The following CFAP58 variants were observed in gnomAD, a reference collection of about 807,000 sequenced individuals.
The protein encoded by CFAP58 is cilia and flagella associated protein 58, also known as cilia- and flagella-associated protein 58.
A neutral mutation model predicts 119.5 loss-of-function variants in CFAP58; 88 were observed. The ratio of observed to expected loss-of-function variants is 0.74; its 90% CI spans 0.62 to 0.88. The LOEUF (loss-of-function observed/expected upper bound fraction) is 0.88. Among genes scored for constraint, CFAP58 ranks in the 40% least tolerant of loss-of-function variants. CFAP58 has a pLI of 0.00. For synonymous variants in CFAP58, 365 were observed against 366.3 expected, an observed-to-expected ratio of 1.00 and a Z score of 0.04; for missense variants, 990 against 1,021.2, an observed-to-expected ratio of 0.97 and a Z score of 0.42.
intron 15 of CFAP58, among the ~76,000 whole-genome samples, chr10:104,429,326 A>C (rs2012804383): frequency 6.6e-6 from 1 of 152,166 alleles, no homozygotes; most frequent in African/African-American, 2.4e-5. Context: ...GCGAGGGCAG[A>C]GAGCAAAGGA....
At chr10:104,380,472 G>A (rs2011769303) in intron 9 of CFAP58, among the ~76,000 whole-genome samples, 1 of 152,038 alleles carries the variant, frequency 6.6e-6, no homozygotes, top group African/African-American at 2.4e-5. Flanking sequence ...CAACTTCTGG[G>A]TTCTCCCTCT....
At chr10:104,436,222 G>T (rs2012931592) in intron 15 of CFAP58, among the ~76,000 whole-genome samples, 1 of 152,058 alleles carries the variant, frequency 6.6e-6, no homozygotes, top group Non-Finnish European at 1.5e-5. Flanking sequence ...GAAATGTTCT[G>T]TTTTATATAT....
the CFAP58 span, among the ~76,000 whole-genome samples, chr10:104,338,568 G>T: frequency 6.8e-6 from 1 of 147,846 alleles, no homozygotes; most frequent in African/African-American, 2.5e-5. Flanking sequence ...TCGGTGGTTG[G>T]GCCCAGGATC....
intron 7 of CFAP58, among the ~76,000 whole-genome samples, chr10:104,375,022 A>G (rs2014873413): frequency 6.6e-6 from 1 of 151,778 alleles, no homozygotes. Context: ...AAAGCAAGCT[A>G]CAAAATAGTA....
chr10:104,380,271 C>T (rs773265749), intron 9 of CFAP58, 51 bp downstream of exon 9: 39 of 1,465,066 alleles, frequency 2.7e-5, no homozygotes, highest in Admixed American at 9.5e-5. Context: ...TTCCTTCCTC[C>T]GCATTTCTGA....
chr10:104,439,456 A>G (rs183393147), intron 15 of CFAP58, among the ~76,000 whole-genome samples: 2 of 152,362 alleles, frequency 1.3e-5, no homozygotes, highest in Admixed American at 1.3e-4. Context: ...GCACATTATT[A>G]CAATTAAAAT....
intron 5 of CFAP58, among the ~76,000 whole-genome samples, chr10:104,367,593 C>T (rs911652935): frequency 2.6e-5 from 4 of 152,156 alleles, no homozygotes; most frequent in African/African-American, 9.7e-5. Flanking sequence ...TCCTATGAAA[C>T]ACAATTTCAT....
chr10:104,378,841 T>A (rs2011722218), intron 8 of CFAP58, among the ~76,000 whole-genome samples: 1 of 151,884 alleles, frequency 6.6e-6, no homozygotes, highest in Non-Finnish European at 1.5e-5. Flanking sequence ...CTACTTACTC[T>A]GTGTTTCAGG....
At chr10:104,412,390 C>T (rs1310894134) in intron 15 of CFAP58, among the ~76,000 whole-genome samples, 3 of 152,002 alleles carry the variant, frequency 2.0e-5, no homozygotes, top group African/African-American at 7.3e-5. Context: ...AATGTCCTGT[C>T]TCAATCCCTT....
At chr10:104,376,429 T>TG (rs765178144) in intron 7 of CFAP58, among the ~76,000 whole-genome samples, 1 of 137,566 alleles carries the variant, frequency 7.3e-6, no homozygotes, top group East Asian at 2.1e-4. Context: ...CCCTTGAACC[T>TG]GGGAGGCGGA....
intron 15 of CFAP58, among the ~76,000 whole-genome samples, 193 bp from the exon 16 acceptor site, chr10:104,447,505 G>A (rs1427409208): frequency 6.6e-6 from 1 of 152,126 alleles, no homozygotes; most frequent in Non-Finnish European, 1.5e-5. Flanking sequence ...GTATCCAAAT[G>A]TTGGGGACAT....
the CFAP58 span, among the ~76,000 whole-genome samples, chr10:104,347,142 C>A: frequency 6.6e-6 from 1 of 152,010 alleles, no homozygotes; most frequent in Non-Finnish European, 1.5e-5. Flanking sequence ...GCAGGTAAGA[C>A]GACTGGGTAG....
intron 15 of CFAP58, 21 bp from the exon 16 acceptor site, chr10:104,447,677 C>T (rs1564907692): frequency 1.2e-6 from 2 of 1,612,556 alleles, no homozygotes; most frequent in Non-Finnish European, 8.5e-7. Flanking sequence ...TATCTCTGCT[C>T]CTGGTTCTGC....
chr10:104,357,950 TATATACACATATATGTACACATATGTAC>T (rs2014599640), intron 1 of CFAP58, among the ~76,000 whole-genome samples: 2 of 123,700 alleles, frequency 1.6e-5, no homozygotes, highest in African/African-American at 9.1e-5. Flanking sequence ...TATGTACACA[TATATACACATATATGTACACATATGTAC>T]ATATGTACAC....
chr10:104,453,553 A>G (rs1406372194), intron 17 of CFAP58, among the ~76,000 whole-genome samples: 3 of 152,178 alleles, frequency 2.0e-5, no homozygotes, highest in Non-Finnish European at 4.4e-5. Flanking sequence ...AGGCTGATCT[A>G]CAGTCTGCAG....
At chr10:104,392,863 A>G (rs1414349465) in intron 10 of CFAP58, among the ~76,000 whole-genome samples, 1 of 151,620 alleles carries the variant, frequency 6.6e-6, no homozygotes, top group Non-Finnish European at 1.5e-5. Context: ...CTGGTCTCGA[A>G]CTCCTGACCT....
At chr10:104,357,828 C>CACAT (rs1301063090) in intron 1 of CFAP58, among the ~76,000 whole-genome samples, 5 of 136,218 alleles carry the variant, frequency 3.7e-5, no homozygotes, top group African/African-American at 1.1e-4. Context: ...CATATATACA[C>CACAT]ATATATGTAC....
intron 4 of CFAP58, 121 bp downstream of exon 4, chr10:104,365,010 C>T: frequency 1.1e-6 from 1 of 907,886 alleles, no homozygotes; most frequent in Non-Finnish European, 1.7e-6. Context: ...AATGAAACAT[C>T]CTCAGTTCTG....
chr10:104,354,694 G>A lies in CFAP58; in HGVS notation c.9+788G>A, dbSNP rs1407809403. ...CCCATCCCACGGTCTGTTCCAGCCA[G>A]GACCAGCTACATGATTTGCAAGGCC... On this transcript the variant is annotated intron_variant, in intron 1 of 17. Coordinates refer to ENST00000369704, the MANE Select transcript of CFAP58 (RefSeq NM_001008723.2). Among the ~76,000 whole-genome samples the A allele has an allele frequency of 2.0e-5, 3 of 152,140 alleles. No individual in the cohort carries two copies. The East Asian group carries it at 5.8e-4, about 29-fold the overall frequency.
Sources: allele counts gnomAD v4.1 joint callset (sites outside exome capture counted in the v4.1 genomes callset), GRCh38; gene constraint gnomAD v4.1.1; transcripts MANE v1.5; gene names NCBI Gene and HGNC (gene_info 2026-07-23, HGNC 2026-07-21).